Variants in ADAM12 observed in about 807,000 individuals in gnomAD.
ADAM12 encodes disintegrin and metalloproteinase domain-containing protein 12.
A neutral mutation model predicts 106.4 loss-of-function variants in ADAM12; 70 were observed. That is an observed-to-expected ratio of 0.66 (90% CI 0.54 to 0.80). The LOEUF is 0.80. Ranked by LOEUF, ADAM12 falls within the 30% of genes least tolerant of loss-of-function variation. The pLI, the probability that ADAM12 is intolerant of heterozygous loss-of-function variation, is 0.00. For synonymous variants in ADAM12, 420 were observed against 433.5 expected, an observed-to-expected ratio of 0.97 and a Z score of 0.39; for missense variants, 1,010 against 1,171.9, an observed-to-expected ratio of 0.86 and a Z score of 2.02.
chr10:126,174,898 A>G (rs1275655488), intron 3 of ADAM12, among the ~76,000 whole-genome samples: 1 of 151,790 alleles, frequency 6.6e-6, no homozygotes, highest in Non-Finnish European at 1.5e-5. Flanking sequence ...GACTACAGGC[A>G]CCTGCCACCA....
intron 3 of ADAM12, among the ~76,000 whole-genome samples, chr10:126,159,511 G>A (rs1956896663): frequency 6.6e-6 from 1 of 152,002 alleles, no homozygotes; most frequent in South Asian, 2.1e-4. Flanking sequence ...GAATGAACAA[G>A]GTATATAGAT....
At chr10:126,281,566 A>T (rs1959582615) in intron 2 of ADAM12, among the ~76,000 whole-genome samples, 1 of 152,188 alleles carries the variant, frequency 6.6e-6, no homozygotes, top group Non-Finnish European at 1.5e-5. Context: ...TTGAGGTATG[A>T]CTAGTAAAGG....
intron 1 of ADAM12, among the ~76,000 whole-genome samples, chr10:126,345,235 G>T (rs1421319630): frequency 6.6e-6 from 1 of 152,092 alleles, no homozygotes; most frequent in Non-Finnish European, 1.5e-5. Context: ...TAGCATGAAG[G>T]GCTGTTGAAT....
chr10:126,349,829 C>T (rs967188149), intron 1 of ADAM12, among the ~76,000 whole-genome samples: 38 of 152,156 alleles, frequency 2.5e-4, no homozygotes, highest in Non-Finnish European at 4.9e-4. Context: ...TTTATCTCTG[C>T]TAAGCAGAAA....
At chr10:126,084,080 C>T (rs1425811337) in intron 11 of ADAM12, among the ~76,000 whole-genome samples, 1 of 152,226 alleles carries the variant, frequency 6.6e-6, no homozygotes, top group Non-Finnish European at 1.5e-5. Flanking sequence ...CAGCCATCTG[C>T]AGCACATTAT....
intron 3 of ADAM12, among the ~76,000 whole-genome samples, chr10:126,273,792 T>C (rs72828718): frequency 0.055 from 8,417 of 152,300 alleles, 323 homozygotes; most frequent in Admixed American, 0.11. Flanking sequence ...AGAAATGTTA[T>C]TGAGTCATTC....
intron 12 of ADAM12, chr10:126,067,117 G>T: frequency 3.0e-6 from 1 of 335,712 alleles, no homozygotes; most frequent in Admixed American, 3.8e-5. Context: ...CTCTGTAGAG[G>T]GGTGTCCAGG....
chr10:126,293,564 A>C (rs1281664575), intron 2 of ADAM12, among the ~76,000 whole-genome samples: 1 of 152,096 alleles, frequency 6.6e-6, no homozygotes, highest in Non-Finnish European at 1.5e-5. Context: ...CTTCACCCAG[A>C]CTGGAGTGCA....
chr10:126,109,707 T>C (rs2133599718), intron 7 of ADAM12, 68 bp downstream of exon 7: 3 of 1,443,820 alleles, frequency 2.1e-6, no homozygotes, highest in Middle Eastern at 3.6e-4. Flanking sequence ...AAGTAATAAC[T>C]TGCAAAACAT....
rs76865216 is a variant in ADAM12, at chr10:126,178,014, C to T, written c.261-22709G>A. On this transcript the variant is annotated intron_variant, in intron 3 of 22. Transcript: ENST00000448723. Reference sequence around the variant, plus strand: ...TTCTGAATAAAATGTTAGTCTCTAACTCAATTTTGGAATTTTTTAAAACAG... The same window carrying T: ...TTCTGAATAAAATGTTAGTCTCTAATTCAATTTTGGAATTTTTTAAAACAG... Among the ~76,000 whole-genome samples the T allele has an allele frequency of 4.7e-4, 72 of 152,276 alleles. 1 individual carries two copies. The East Asian group carries it at 0.012, about 26-fold the overall frequency.
At chr10:126,280,674 G>C (rs1316978021) in intron 2 of ADAM12, among the ~76,000 whole-genome samples, 1 of 152,126 alleles carries the variant, frequency 6.6e-6, no homozygotes, top group African/African-American at 2.4e-5. Context: ...TTTTCCTTAT[G>C]AGCTTCAAGG....
At chr10:126,251,721 G>A (rs2133684937) in intron 3 of ADAM12, among the ~76,000 whole-genome samples, 1 of 152,112 alleles carries the variant, frequency 6.6e-6, no homozygotes, top group Admixed American at 6.5e-5. Context: ...GGATGGATAG[G>A]ATGGGATGGA....
At chr10:126,243,150 C>T (rs561454995) in intron 3 of ADAM12, among the ~76,000 whole-genome samples, 2 of 152,332 alleles carry the variant, frequency 1.3e-5, no homozygotes, top group African/African-American at 2.4e-5. Context: ...TGTTCCTGGG[C>T]GTGCAGCTGC....
intron 4 of ADAM12, among the ~76,000 whole-genome samples, chr10:126,140,566 C>G (rs757071125): frequency 2.0e-5 from 3 of 152,170 alleles, no homozygotes; most frequent in Non-Finnish European, 2.9e-5. Context: ...CCAGCTTTAA[C>G]ACCACTTTTG....
rs1299114315 is a variant in ADAM12 at position 126,109,845 on chromosome 10, C to T, written c.604-5G>A. The T allele has an allele frequency of 1.2e-6, 2 of 1,611,980 alleles. No homozygotes were observed. The highest frequency in any genetic ancestry group is 1.1e-5 in the South Asian group (1 of 90,894). On this transcript the variant is annotated splice_region_variant and splice_polypyrimidine_tract_variant and intron_variant, in intron 6 of 22. Transcript: ENST00000448723. ...CTTGAGGGTCTCTCTTTTATGCTGC[C>T]AAGAGTAAACATGCACTTAATCTCT...
At chr10:126,241,975 TTTA>T (rs913212700) in intron 3 of ADAM12, among the ~76,000 whole-genome samples, 45 of 152,228 alleles carry the variant, frequency 3.0e-4, no homozygotes, top group African/African-American at 1.1e-3. Flanking sequence ...TTTTTTTTTT[TTTA>T]ACACATCAAA....
At chr10:126,026,618 C>T (rs1460847204) in intron 21 of ADAM12, among the ~76,000 whole-genome samples, 1 of 152,162 alleles carries the variant, frequency 6.6e-6, no homozygotes, top group African/African-American at 2.4e-5. Context: ...TTAAGAAATT[C>T]ACTCAAAACC....
At chr10:126,099,374 C>A (rs1955616369) in intron 9 of ADAM12, among the ~76,000 whole-genome samples, 1 of 151,350 alleles carries the variant, frequency 6.6e-6, no homozygotes, top group Non-Finnish European at 1.5e-5. Context: ...CCCTCCCTCC[C>A]TCTCTCCCTC....
chr10:126,013,233 C>T lies in ADAM12; in HGVS notation c.*4046G>A, dbSNP rs1197249463. ...CTCTACAAAAGGAAAGAAAATGGCA[C>T]ATTCACATGTAGGTAAGTAGCTTCT... On this transcript the variant is annotated 3_prime_UTR_variant, in exon 23 of 23. Transcript: ENST00000448723. This position sits in a 1 kb window ranked among gnomAD's most constrained non-coding sequence, Gnocchi z 4.3. 2 of 152,160 alleles carry T rather than the reference C, an allele frequency of 1.3e-5. No individual in the cohort carries two copies. Among genetic ancestry groups the T allele is most frequent in the African/African-American group, 2.4e-5 (1 of 41,452 alleles). 9.4% of individuals were successfully genotyped at this position (152,160 alleles called of 1,614,324 possible). A position where few individuals can be genotyped will look rare whatever the true frequency, so the allele number is the denominator to read the frequency against.
Sources: gnomAD v4.1 joint callset for allele counts (sites outside exome capture counted in the v4.1 genomes callset) on GRCh38, gnomAD v4.1.1 for gene constraint, Gnocchi (gnomAD v3.1) non-coding constraint, MANE v1.5 for transcripts, NCBI Gene and HGNC (gene_info 2026-07-23, HGNC 2026-07-21) for gene names.